SLC4A10: variants seen among roughly 807,000 people sequenced by gnomAD.
SLC4A10 encodes sodium-driven chloride bicarbonate exchanger.
SLC4A10 carries 42 observed loss-of-function variants against 137.7 expected under a neutral mutation model. The ratio of observed to expected loss-of-function variants is 0.30; its 90% CI spans 0.24 to 0.39. The LOEUF is 0.39. SLC4A10 is among the 10% of genes least tolerant of loss of function. The probability of loss-of-function intolerance (pLI) is 1.00; values close to 1 mark genes in which losing one functional copy is unlikely to be tolerated. For missense variants in SLC4A10, 925 were observed against 1,355.0 expected, an observed-to-expected ratio of 0.68 and a Z score of 4.98; for synonymous variants, 474 against 464.1, an observed-to-expected ratio of 1.02 and a Z score of -0.27.
In SLC4A10 at chr2:161,905,755, G is replaced by A; in HGVS notation, c.1865G>A (p.Arg622Gln). The A allele has an allele frequency of 1.2e-6, 2 of 1,613,840 alleles. No individual in the cohort carries two copies. Among genetic ancestry groups the A allele is most frequent in the Non-Finnish European group, 8.5e-7 (1 of 1,179,864 alleles). Residue 622 changes from arginine to glutamine, a missense_variant, in exon 15 of 27, where the codon CGG becomes CAG. Arg to Gln is a conservative substitution (Grantham distance 43, BLOSUM62 1). This residue lies in a region of SLC4A10 where 61 missense variants were observed against 168.0 expected (regional missense o/e 0.36). Coordinates refer to ENST00000446997, the MANE Select transcript of SLC4A10 (RefSeq NM_001178015.2). ...AGTTCCCTTGTCTGCTACATCACTCGGTTTACTGAAGAAGCTTTTGCTTCC... is the reference window on the plus strand; with the variant it reads ...AGTTCCCTTGTCTGCTACATCACTCAGTTTACTGAAGAAGCTTTTGCTTCC... ...DASSLVCYITRFTEEAFASLI... is the reference protein window; with the variant it reads ...DASSLVCYITQFTEEAFASLI...
At chr2:161,954,749 A>G (rs1022312802) in intron 19 of SLC4A10, among the ~76,000 whole-genome samples, 8 of 152,290 alleles carry the variant, frequency 5.3e-5, no homozygotes, top group Admixed American at 5.2e-4. Flanking sequence ...TTATATATTT[A>G]TATATTACAA....
At chr2:161,844,255 G>T (rs2059361445) in intron 4 of SLC4A10, among the ~76,000 whole-genome samples, 1 of 152,114 alleles carries the variant, frequency 6.6e-6, no homozygotes, top group African/African-American at 2.4e-5. Flanking sequence ...CAATTTTATT[G>T]ATGCTGTGAA....
chr2:161,756,900 A>T (rs2049717665), intron 1 of SLC4A10, among the ~76,000 whole-genome samples: 1 of 152,142 alleles, frequency 6.6e-6, no homozygotes, highest in African/African-American at 2.4e-5. Context: ...TCAGAAAGAG[A>T]TCTGGAATGT....
chr2:161,843,183 A>G (rs1180408938), intron 4 of SLC4A10, among the ~76,000 whole-genome samples: 1 of 152,140 alleles, frequency 6.6e-6, no homozygotes, highest in Non-Finnish European at 1.5e-5. Flanking sequence ...TGACCCATTC[A>G]TTTTAACCAA....
In SLC4A10 at chr2:161,771,063, AT is replaced by A; in HGVS notation, c.130+14del. On this transcript the variant is annotated intron_variant, in intron 2 of 26. Transcript: ENST00000446997. ...GAAAGAAGATTTAGAAGGTAAGACC[AT>A]TTTTCTTGGGATAGCTATTGGTGTG... 1 of 1,579,160 alleles carries A rather than the reference AT, an allele frequency of 6.3e-7. No homozygotes were observed. Among genetic ancestry groups the A allele is most frequent in the Non-Finnish European group, 8.6e-7 (1 of 1,156,416 alleles).
intron 17 of SLC4A10, 34 bp downstream of exon 17, chr2:161,947,761 T>C: frequency 6.3e-7 from 1 of 1,595,608 alleles, no homozygotes; most frequent in Non-Finnish European, 8.5e-7. Flanking sequence ...AAATGTAAAA[T>C]AACATAGGAC....
At chr2:161,884,624 A>G (rs1253981971) in intron 10 of SLC4A10, among the ~76,000 whole-genome samples, 2 of 152,168 alleles carry the variant, frequency 1.3e-5, no homozygotes, top group East Asian at 1.9e-4. Flanking sequence ...TATTTTTTCA[A>G]TTATTTAGAC....
intron 1 of SLC4A10, among the ~76,000 whole-genome samples, chr2:161,719,717 T>A (rs577419071): frequency 6.6e-6 from 1 of 152,178 alleles, no homozygotes; most frequent in Non-Finnish European, 1.5e-5. Flanking sequence ...GAAATGTCTG[T>A]TCATATCCTT....
intron 15 of SLC4A10, among the ~76,000 whole-genome samples, chr2:161,940,090 A>G (rs549225084): frequency 6.6e-6 from 1 of 152,324 alleles, no homozygotes; most frequent in South Asian, 2.1e-4. Context: ...TTAAGGGTAT[A>G]CAGCAAATGA....
intron 14 of SLC4A10, 141 bp downstream of exon 14, chr2:161,905,050 C>T: frequency 2.6e-6 from 2 of 775,048 alleles, no homozygotes; most frequent in Non-Finnish European, 3.9e-6. Context: ...TTTGCTTCAT[C>T]ATGGGAATAG....
At chr2:161,873,833 C>G in intron 7 of SLC4A10, 83 bp from the exon 8 acceptor site, 4 of 1,332,386 alleles carry the variant, frequency 3.0e-6, no homozygotes, top group Non-Finnish European at 4.1e-6. Context: ...GATCTAGTTA[C>G]GTGCATGCTC....
intron 1 of SLC4A10, among the ~76,000 whole-genome samples, chr2:161,708,496 T>C (rs997844234): frequency 6.6e-6 from 1 of 151,632 alleles, no homozygotes; most frequent in African/African-American, 2.4e-5. Flanking sequence ...TCTGTTTCGA[T>C]GATGCAGAAT....
chr2:161,889,938 T>TC (rs1461352118), intron 10 of SLC4A10, among the ~76,000 whole-genome samples: 2 of 152,216 alleles, frequency 1.3e-5, no homozygotes, highest in East Asian at 3.8e-4. Context: ...GCTATAAATT[T>TC]CCCTCTAAAC....
intron 1 of SLC4A10, among the ~76,000 whole-genome samples, chr2:161,628,018 A>C (rs191107020): frequency 6.6e-6 from 1 of 152,240 alleles, no homozygotes; most frequent in African/African-American, 2.4e-5. Flanking sequence ...TTTGATATGG[A>C]TATATATGGA....
intron 5 of SLC4A10, among the ~76,000 whole-genome samples, chr2:161,862,020 G>T (rs1402778972): frequency 6.6e-6 from 1 of 152,180 alleles, no homozygotes; most frequent in East Asian, 1.9e-4. Context: ...TAGAGTTAAT[G>T]TTTGATAATC....
At chr2:161,808,725 T>A (rs918352563) in intron 3 of SLC4A10, among the ~76,000 whole-genome samples, 2 of 152,174 alleles carry the variant, frequency 1.3e-5, no homozygotes, top group African/African-American at 4.8e-5. Flanking sequence ...GCTGCATTCA[T>A]GTTGCTGCAA....
At chr2:161,690,881 C>T (rs1407685006) in intron 1 of SLC4A10, among the ~76,000 whole-genome samples, 5 of 152,028 alleles carry the variant, frequency 3.3e-5, no homozygotes, top group Admixed American at 3.3e-4. Flanking sequence ...CAGCAAACCA[C>T]CTTGGCACCC....
chr2:161,872,428 A>G lies in SLC4A10; in HGVS notation c.858+44A>G, dbSNP rs41265135. The G allele has an allele frequency of 6.4e-6, 9 of 1,395,426 alleles. No individual in the cohort carries two copies. The East Asian group carries it at 1.1e-4, about 18-fold the overall frequency. The allele number at this position is 1,395,426 out of a possible 1,614,324, so 86.4% of individuals were successfully genotyped here. ...CATCTAAGTAAGTTGCTAAATTACT[A>G]CTAGAAATTACTACCCATTTTAAGA... On this transcript the variant is annotated intron_variant, in intron 7 of 26. Transcript: ENST00000446997.
chr2:161,832,616 A>C (rs1390841094), intron 3 of SLC4A10, among the ~76,000 whole-genome samples: 1 of 152,176 alleles, frequency 6.6e-6, no homozygotes, highest in Middle Eastern at 3.2e-3. Flanking sequence ...AGGCAGGGAG[A>C]TTACAGTCTG....
Sources: allele counts gnomAD v4.1 joint callset (sites outside exome capture counted in the v4.1 genomes callset), GRCh38; gene constraint gnomAD v4.1.1; regional missense constraint gnomAD v4.1.1; transcripts MANE v1.5; gene names NCBI Gene and HGNC (gene_info 2026-07-23, HGNC 2026-07-21).